Variants in FAM169A observed in about 807,000 individuals in gnomAD.
FAM169A encodes the protein soluble lamin-associated protein of 75 kDa.
FAM169A carries 24 observed loss-of-function variants against 75.7 expected under a neutral mutation model. The observed-to-expected ratio is 0.32, with a 90% CI of 0.23 to 0.45. The LOEUF is 0.45. Among genes scored for constraint, FAM169A ranks in the 20% least tolerant of loss-of-function variants. FAM169A has a pLI of 1.00. For synonymous variants in FAM169A, 271 were observed against 271.0 expected (o/e 1.00, Z 0.00); for missense variants, 673 against 784.0 (o/e 0.86, Z 1.69).
chr5:74,794,275 T>G (rs1242663450), intron 11 of FAM169A, among the ~76,000 whole-genome samples: 1 of 148,996 alleles, frequency 6.7e-6, no homozygotes, highest in Non-Finnish European at 1.5e-5. Flanking sequence ...GCACCTGTAC[T>G]CCCAGCTACT....
intron 6 of FAM169A, among the ~76,000 whole-genome samples, chr5:74,805,569 C>T (rs544492563): frequency 2.3e-4 from 26 of 111,662 alleles, no homozygotes; most frequent in South Asian, 3.2e-4. Context: ...CTTGCTATGT[C>T]GCCCAGGCTG....
At chr5:74,782,500 A>G (rs181624816) in intron 12 of FAM169A, among the ~76,000 whole-genome samples, 1 of 152,350 alleles carries the variant, frequency 6.6e-6, no homozygotes, top group East Asian at 1.9e-4. Context: ...CATAAGTTGT[A>G]ATATTCAAAA....
At chr5:74,858,757 T>C (rs1749882826) in intron 1 of FAM169A, among the ~76,000 whole-genome samples, 1 of 151,560 alleles carries the variant, frequency 6.6e-6, no homozygotes, top group Admixed American at 6.6e-5. Flanking sequence ...AATTAAAAAG[T>C]AAAAAAAAAT....
chr5:74,832,327 G>C (rs1331169030), intron 5 of FAM169A, among the ~76,000 whole-genome samples: 1 of 151,734 alleles, frequency 6.6e-6, no homozygotes. Context: ...CTCTCACAGT[G>C]ATCTATTTCA....
At chr5:74,789,566 G>A (rs1327205790) in intron 11 of FAM169A, among the ~76,000 whole-genome samples, 2 of 152,238 alleles carry the variant, frequency 1.3e-5, no homozygotes, top group Non-Finnish European at 2.9e-5. Context: ...GACAGGTCCA[G>A]GCTGCTGTGC....
At chr5:74,795,809 A>C (rs1039547153) in intron 11 of FAM169A, among the ~76,000 whole-genome samples, 1 of 152,228 alleles carries the variant, frequency 6.6e-6, no homozygotes, top group African/African-American at 2.4e-5. Context: ...GATATAATTC[A>C]AACTTTTATA....
intron 8 of FAM169A, 113 bp downstream of exon 8, chr5:74,804,380 C>T: frequency 2.3e-6 from 1 of 438,962 alleles, no homozygotes; most frequent in Non-Finnish European, 4.0e-6. Flanking sequence ...GTAGAAATTA[C>T]ATAGCTTTGT....
chr5:74,833,408 C>T (rs1476137412), intron 5 of FAM169A, among the ~76,000 whole-genome samples: 1 of 152,106 alleles, frequency 6.6e-6, no homozygotes, highest in Non-Finnish European at 1.5e-5. Context: ...CAAATTTATA[C>T]AAGAACAGAG....
intron 1 of FAM169A, among the ~76,000 whole-genome samples, chr5:74,857,240 T>A (rs1010864113): frequency 6.6e-6 from 1 of 151,528 alleles, no homozygotes; most frequent in African/African-American, 2.4e-5. Context: ...TAATTCTCAC[T>A]GGGGAAGGGA....
chr5:74,857,195 T>C (rs1026187644), intron 1 of FAM169A, among the ~76,000 whole-genome samples: 1 of 150,468 alleles, frequency 6.6e-6, no homozygotes, highest in African/African-American at 2.5e-5. Flanking sequence ...CTTGAAACCA[T>C]GGTACACCAG....
intron 1 of FAM169A, among the ~76,000 whole-genome samples, chr5:74,864,701 C>A (rs1156743628): frequency 6.6e-6 from 1 of 152,124 alleles, no homozygotes; most frequent in Non-Finnish European, 1.5e-5. Flanking sequence ...TCTAAGTTCC[C>A]CAAACAGATC....
chr5:74,816,972 T>A (rs1486027167), intron 5 of FAM169A, among the ~76,000 whole-genome samples: 1 of 152,052 alleles, frequency 6.6e-6, no homozygotes, highest in Non-Finnish European at 1.5e-5. Flanking sequence ...TAAAACAAAA[T>A]CTACTTAATC....
intron 1 of FAM169A, among the ~76,000 whole-genome samples, chr5:74,844,742 G>A (rs577374562): frequency 2.6e-4 from 39 of 152,198 alleles, no homozygotes; most frequent in Admixed American, 2.0e-4. Context: ...GCTTGAACCC[G>A]GGAGGTGGAG....
chr5:74,801,099 C>G, intron 9 of FAM169A, 69 bp from the exon 10 acceptor site: 1 of 1,233,510 alleles, frequency 8.1e-7, no homozygotes, highest in South Asian at 2.3e-5. Context: ...TTAAAATACA[C>G]AGAAATGCAA....
chr5:74,777,709 GAAGGA>G lies in FAM169A; in HGVS notation c.*3746_*3750del, dbSNP rs1258345930. 4.0e-5 allele frequency: 6 copies of G among 151,768 alleles called. No homozygotes were observed. The highest frequency in any genetic ancestry group is 8.8e-5 in the Non-Finnish European group (6 of 67,878). 9.4% of individuals were successfully genotyped at this position (151,768 alleles called of 1,614,324 possible). A position where few individuals can be genotyped will look rare whatever the true frequency, so the allele number is the denominator to read the frequency against. ...CTGAAACATCTTCATGAGGAAAACT[GAAGGA>G]AAGGAATTTAAAAACACAGACCAGG... is the stretch of plus-strand genomic sequence containing the variant. On this transcript the variant is annotated 3_prime_UTR_variant, in exon 13 of 13. Transcript: ENST00000687041.
Position 74,779,502 on chromosome 5 carries a change from A to G in FAM169A, c.*1958T>C, listed in dbSNP as rs1322238582. ...TTCAAATCTAAGAAATGAAACATGT[A>G]AAGATTAAGAATTTACTGAATCTTA... On this transcript the variant is annotated 3_prime_UTR_variant, in exon 13 of 13. Coordinates refer to ENST00000687041, the MANE Select transcript of FAM169A (RefSeq NM_001376049.1). 2.0e-5 allele frequency: 3 copies of G among 152,206 alleles called. No homozygotes were observed. The highest frequency in any genetic ancestry group is 7.2e-5 in the African/African-American group (3 of 41,456). 9.4% of individuals were successfully genotyped at this position (152,206 alleles called of 1,614,324 possible). A position where few individuals can be genotyped will look rare whatever the true frequency, so the allele number is the denominator to read the frequency against.
chr5:74,828,081 T>C (rs1446483388), intron 5 of FAM169A, among the ~76,000 whole-genome samples: 1 of 152,208 alleles, frequency 6.6e-6, no homozygotes, highest in African/African-American at 2.4e-5. Flanking sequence ...TATAAGTGCT[T>C]AAGAACCTTG....
chr5:74,822,372 T>A (rs191347893), intron 5 of FAM169A, among the ~76,000 whole-genome samples: 2 of 152,212 alleles, frequency 1.3e-5, no homozygotes, highest in African/African-American at 2.4e-5. Flanking sequence ...GAAAATAGAA[T>A]CCCTGACTGG....
chr5:74,837,002 C>T (rs1748604225), intron 4 of FAM169A, among the ~76,000 whole-genome samples: 1 of 151,544 alleles, frequency 6.6e-6, no homozygotes, highest in African/African-American at 2.4e-5. Context: ...TGAAAGAGTC[C>T]ACATAGTTGT....
Sources: gnomAD v4.1 joint callset for allele counts (sites outside exome capture counted in the v4.1 genomes callset) on GRCh38, gnomAD v4.1.1 for gene constraint, MANE v1.5 for transcripts, NCBI Gene and HGNC (gene_info 2026-07-23, HGNC 2026-07-21) for gene names.